Variants in ZNF76 observed in about 807,000 individuals in gnomAD.
ZNF76 encodes zinc finger protein 76.
ZNF76 carries 66 observed loss-of-function variants against 66.9 expected under a neutral mutation model. The ratio of observed to expected loss-of-function variants is 0.99; its 90% CI spans 0.81 to 1.21. The LOEUF (loss-of-function observed/expected upper bound fraction) is 1.21. Ranked by LOEUF, ZNF76 falls within the 50% of genes most tolerant of loss-of-function variation. The pLI is 0.00. For missense variants in ZNF76, 729 were observed against 760.3 expected, an observed-to-expected ratio of 0.96 and a Z score of 0.48; for synonymous variants, 275 against 296.1, an observed-to-expected ratio of 0.93 and a Z score of 0.73.
chr6:35,295,042 TGGG>T, intron 13 of ZNF76, 99 bp from the exon 14 acceptor site: 1 of 810,426 alleles, frequency 1.2e-6, no homozygotes, highest in Non-Finnish European at 2.0e-6. Context: ...ACTGGGTAGA[TGGG>T]GGAGAGTCAA....
At chr6:35,265,653 A>G (rs1785931713) in intron 1 of ZNF76, among the ~76,000 whole-genome samples, 1 of 152,240 alleles carries the variant, frequency 6.6e-6, no homozygotes, top group Non-Finnish European at 1.5e-5. Context: ...AGTCAAGCAT[A>G]CATCTAGGGG....
rs369175747 is a variant in ZNF76 at position 35,295,558 on chromosome 6, A to T, written c.*310A>T. 61 of 389,642 alleles carry T rather than the reference A, an allele frequency of 1.6e-4. 1 individual carries two copies. Among genetic ancestry groups the T allele is most frequent in the South Asian group, 1.1e-3 (52 of 47,800 alleles). 24.1% of individuals were successfully genotyped at this position (389,642 alleles called of 1,614,324 possible). A position where few individuals can be genotyped will look rare whatever the true frequency, so the allele number is the denominator to read the frequency against. On this transcript the variant is annotated 3_prime_UTR_variant, in exon 14 of 14. Transcript: ENST00000373953. The stretch of plus-strand genomic sequence containing the variant: ...CCTAAAGAACACCCTTCTGGCCCTC[A>T]GTCTGTTCCCCTTCTCAGGTAGAGA...
chr6:35,281,743 C>A (rs919328110), intron 2 of ZNF76, among the ~76,000 whole-genome samples: 1 of 151,712 alleles, frequency 6.6e-6, no homozygotes, highest in Admixed American at 6.6e-5. Context: ...CCAGCCTGGG[C>A]AACATAGCAA....
At position 35,286,375 on chromosome 6, in the gene ZNF76, G is replaced by A. The variant is rs755244437; in HGVS notation, c.208G>A (p.Ala70Thr). Residue 70 changes from alanine (A) to threonine (T), a missense_variant, in exon 4 of 14, where the codon GCT becomes ACT. Transcript: ENST00000373953. ...QPVQLEDGSM[A>T]YIHRTPREGY... ...TGTGCAGCTGGAAGATGGCAGCATG[G>A]CTTACATACACCGCACACCCAGAGG... is the stretch of plus-strand genomic sequence containing the variant. The A allele has an allele frequency of 1.2e-6, 2 of 1,614,168 alleles. No homozygotes were observed. Among genetic ancestry groups the A allele is most frequent in the Non-Finnish European group, 1.7e-6 (2 of 1,180,046 alleles).
rs1791047343 is a variant in ZNF76 at position 35,295,349 on chromosome 6, G to T, written c.*101G>T. On this transcript the variant is annotated 3_prime_UTR_variant, in exon 14 of 14. Coordinates refer to ENST00000373953, the MANE Select transcript of ZNF76 (RefSeq NM_003427.5). ...GGCTGTGGCTGACACATAGAAGGTG[G>T]CCACATAGGTCTCTGGGGTGAGAAG... The T allele has an allele frequency of 2.0e-6, 2 of 999,652 alleles. No homozygotes were observed. The highest frequency in any genetic ancestry group is 3.0e-6 in the Non-Finnish European group (2 of 656,892). The allele number at this position is 999,652 out of a possible 1,614,324, so 61.9% of individuals were successfully genotyped here.
chr6:35,290,741 C>T (rs1582181407), intron 7 of ZNF76, 25 bp downstream of exon 7: 2 of 1,612,334 alleles, frequency 1.2e-6, no homozygotes, highest in East Asian at 4.5e-5. Context: ...GGGCTGCTTC[C>T]AGTTGAGGGT....
chr6:35,293,815 G>A lies in ZNF76; in HGVS notation c.1394G>A (p.Gly465Asp), dbSNP rs777773973. The change falls in exon 12 of 14, where the codon GGC (glycine) becomes GAC (aspartate). Residue 465 changes from glycine to aspartate, a missense_variant. Physicochemically the swap from Gly to Asp is moderately conservative, Grantham distance 94. Transcript: ENST00000373953. ...GCCATCAGTATGGTCACCCAGCACG[G>A]CAGCACCACCCTCACCATCCCCAGT... ...GSAISMVTQHGSTTLTIPSPD... is the reference protein window; with the variant it reads ...GSAISMVTQHDSTTLTIPSPD... 6.2e-7 allele frequency: 1 copy of A among 1,613,964 alleles called. No individual in the cohort carries two copies. The highest frequency in any genetic ancestry group is 8.5e-7 in the Non-Finnish European group (1 of 1,180,020).
At chr6:35,293,719 A>G in intron 11 of ZNF76, 32 bp from the exon 12 acceptor site, 3 of 1,609,404 alleles carry the variant, frequency 1.9e-6, no homozygotes, top group Non-Finnish European at 2.5e-6. Flanking sequence ...CTCCACTGAC[A>G]CTGCCAGCTC....
intron 1 of ZNF76, among the ~76,000 whole-genome samples, chr6:35,278,312 G>T (rs896749887): frequency 6.6e-6 from 1 of 152,166 alleles, no homozygotes; most frequent in Non-Finnish European, 1.5e-5. Flanking sequence ...GGGATTACAG[G>T]CATGTGCCAC....
intron 1 of ZNF76, among the ~76,000 whole-genome samples, chr6:35,272,629 A>G (rs530332587): frequency 6.6e-6 from 1 of 152,288 alleles, no homozygotes; most frequent in East Asian, 1.9e-4. Context: ...TTAGAAAAGA[A>G]GTAGATTGAT....
intron 5 of ZNF76, among the ~76,000 whole-genome samples, chr6:35,289,555 GC>G (rs1297272904): frequency 2.0e-5 from 3 of 152,188 alleles, no homozygotes; most frequent in African/African-American, 7.2e-5. Flanking sequence ...CCAGGACCCT[GC>G]CCAGGAAAGC....
intron 1 of ZNF76, among the ~76,000 whole-genome samples, chr6:35,267,191 C>T (rs1005090257): frequency 3.9e-5 from 6 of 151,938 alleles, no homozygotes; most frequent in Admixed American, 3.9e-4. Context: ...GTGACCTCTC[C>T]AGCTCAATCA....
At chr6:35,294,247 C>G in intron 12 of ZNF76, 1 of 589,690 alleles carries the variant, frequency 1.7e-6, no homozygotes, top group Non-Finnish European at 3.0e-6. Flanking sequence ...TTCTGTGATT[C>G]AAAATCCCTA....
chr6:35,268,413 A>G (rs1786474378), intron 1 of ZNF76, among the ~76,000 whole-genome samples: 1 of 152,210 alleles, frequency 6.6e-6, no homozygotes, highest in Non-Finnish European at 1.5e-5. Context: ...GTCACCCACA[A>G]AATTAGTTTA....
rs1042720637 is a variant in ZNF76 at position 35,281,880 on chromosome 6, G to A, written c.73+656G>A. Among the ~76,000 whole-genome samples the A allele has an allele frequency of 2.7e-5, 4 of 149,304 alleles. No individual in the cohort carries two copies. The Admixed American group carries it at 2.7e-4, about 10-fold the overall frequency. On this transcript the variant is annotated intron_variant, in intron 2 of 13. Transcript: ENST00000373953. Reference sequence around the variant, plus strand: ...AAACCCAGGAGTTTGAGGGTTCAGTGAACTATCACTGCACCACTGCACACC... The same window carrying A: ...AAACCCAGGAGTTTGAGGGTTCAGTAAACTATCACTGCACCACTGCACACC...
Position 35,287,705 on chromosome 6 carries a change from A to C in ZNF76, c.292A>C (p.Ile98Leu). ...VQLEDGSTAY[I>L]HHPVAVPSES... ...ACTGGAAGATGGCTCCACTGCCTAC[A>C]TTCACCACCCTGTGGCTGTGCCATC... is the stretch of plus-strand genomic sequence containing the variant. Residue 98 changes from isoleucine to leucine, a missense_variant, in exon 5 of 14, where the codon ATT (isoleucine) becomes CTT (leucine). Coordinates refer to ENST00000373953, the MANE Select transcript of ZNF76 (RefSeq NM_003427.5). The surrounding 1 kb of genome is among the most constrained non-coding windows in gnomAD (Gnocchi z 4.0). 2 of 1,614,200 alleles carry C rather than the reference A, an allele frequency of 1.2e-6. No homozygotes were observed. The highest frequency in any genetic ancestry group is 1.7e-6 in the Non-Finnish European group (2 of 1,180,026).
chr6:35,260,333 T>C (rs1785042742), intron 1 of ZNF76, among the ~76,000 whole-genome samples: 1 of 151,426 alleles, frequency 6.6e-6, no homozygotes, highest in Admixed American at 6.6e-5. Flanking sequence ...CCCCACAAAC[T>C]CGGTGACTCC....
At position 35,295,449 on chromosome 6, in the gene ZNF76, G is replaced by A; in HGVS notation, c.*201G>A. On this transcript the variant is annotated 3_prime_UTR_variant, in exon 14 of 14. Coordinates refer to ENST00000373953, the MANE Select transcript of ZNF76 (RefSeq NM_003427.5). ...GGGGGCCAGGCAGCTGGAATCAGGG[G>A]AGTGCATCATCCTCGGGAGCTGACA... The A allele has an allele frequency of 1.6e-6, 1 of 620,254 alleles. No individual in the cohort carries two copies. The highest frequency in any genetic ancestry group is 1.7e-5 in the South Asian group (1 of 58,364). The allele number at this position is 620,254 out of a possible 1,614,324, so 38.4% of individuals were successfully genotyped here. A position where few individuals can be genotyped will look rare whatever the true frequency, so the allele number is the denominator to read the frequency against.
Position 35,292,857 on chromosome 6 carries a change from T to A in ZNF76, c.1166-24T>A, listed in dbSNP as rs968283892. Reference sequence around the variant, plus strand: ...TCCCCATGGCATCTGGTAGCAGATGTCAGCCTTGGCTCTCCTCTCCCAGCC... The same window carrying A: ...TCCCCATGGCATCTGGTAGCAGATGACAGCCTTGGCTCTCCTCTCCCAGCC... On this transcript the variant is annotated intron_variant, in intron 10 of 13. Transcript: ENST00000373953. The surrounding 1 kb of genome is among the most constrained non-coding windows in gnomAD (Gnocchi z 4.7). 4 of 1,613,918 alleles carry A rather than the reference T, an allele frequency of 2.5e-6. No individual in the cohort carries two copies. Among genetic ancestry groups the A allele is most frequent in the Non-Finnish European group, 3.4e-6 (4 of 1,179,888 alleles).
Sources: allele counts gnomAD v4.1 joint callset (sites outside exome capture counted in the v4.1 genomes callset), GRCh38; gene constraint gnomAD v4.1.1; non-coding constraint Gnocchi (gnomAD v3.1); transcripts MANE v1.5; gene names NCBI Gene and HGNC (gene_info 2026-07-23, HGNC 2026-07-21).